NPAS3: variants seen among roughly 807,000 people sequenced by gnomAD.
The protein encoded by NPAS3 is neuronal PAS domain protein 3, also known as neuronal PAS domain-containing protein 3.
Under a neutral mutation model 73.1 loss-of-function variants are expected in NPAS3, and 14 were observed. The observed-to-expected ratio is 0.19, with a 90% CI of 0.13 to 0.30. The LOEUF is 0.30. NPAS3 is among the 10% of genes least tolerant of loss of function. NPAS3 has a pLI of 1.00. For missense variants in NPAS3, 1,096 were observed against 1,250.0 expected, an observed-to-expected ratio of 0.88 and a Z score of 1.86; for synonymous variants, 620 against 541.5, an observed-to-expected ratio of 1.14 and a Z score of -2.01.
At chr14:33,561,705 T>G (rs2055659630) in intron 5 of NPAS3, among the ~76,000 whole-genome samples, 1 of 152,188 alleles carries the variant, frequency 6.6e-6, no homozygotes, top group Non-Finnish European at 1.5e-5. Flanking sequence ...CACCACTGTT[T>G]GTTGTTCTGC....
intron 4 of NPAS3, among the ~76,000 whole-genome samples, chr14:33,513,946 G>A (rs974682973): frequency 1.3e-5 from 2 of 152,012 alleles, no homozygotes; most frequent in Non-Finnish European, 2.9e-5. Context: ...GCCCAGGCTT[G>A]CTAAAAAGCA....
intron 2 of NPAS3, among the ~76,000 whole-genome samples, chr14:33,142,289 C>T (rs572562642): frequency 1.7e-4 from 24 of 142,962 alleles, no homozygotes; most frequent in Non-Finnish European, 3.5e-4. Context: ...ACTTCCCTAT[C>T]CAAACAACAC....
upstream of NPAS3, among the ~76,000 whole-genome samples, chr14:32,935,725 GA>G (rs530326846): frequency 1.2e-4 from 19 of 152,280 alleles, no homozygotes; most frequent in South Asian, 3.9e-3. Context: ...ATTTGACATT[GA>G]AATAGTAATT....
At chr14:33,485,498 G>A (rs1002881492) in intron 4 of NPAS3, among the ~76,000 whole-genome samples, 3 of 152,106 alleles carry the variant, frequency 2.0e-5, no homozygotes, top group African/African-American at 7.2e-5. Flanking sequence ...TTTGGATCTA[G>A]ATAATCTCAG....
intron 11 of NPAS3, among the ~76,000 whole-genome samples, chr14:33,797,863 C>CATATAT (rs10582207): frequency 6.9e-6 from 1 of 144,906 alleles, no homozygotes; most frequent in Non-Finnish European, 1.5e-5. Flanking sequence ...TATATATATA[C>CATATAT]ATATATATAT....
At chr14:33,346,662 G>A (rs528954780) in intron 3 of NPAS3, among the ~76,000 whole-genome samples, 50 of 151,958 alleles carry the variant, frequency 3.3e-4, no homozygotes, top group African/African-American at 1.2e-3. Flanking sequence ...AGTTTATAAA[G>A]CCATGGGGAA....
chr14:33,683,988 A>C (rs1022893149), intron 6 of NPAS3, among the ~76,000 whole-genome samples: 4 of 152,138 alleles, frequency 2.6e-5, no homozygotes, highest in African/African-American at 9.7e-5. Flanking sequence ...CTGGAGGAAA[A>C]AGTGATGGAA....
At chr14:33,314,574 T>C (rs2043133769) in intron 3 of NPAS3, among the ~76,000 whole-genome samples, 1 of 152,020 alleles carries the variant, frequency 6.6e-6, no homozygotes, top group Non-Finnish European at 1.5e-5. Flanking sequence ...TCTGAATACA[T>C]GGGAAAAAAT....
At chr14:32,981,376 C>A (rs2037890414) in intron 1 of NPAS3, among the ~76,000 whole-genome samples, 1 of 152,104 alleles carries the variant, frequency 6.6e-6, no homozygotes, top group African/African-American at 2.4e-5. Flanking sequence ...CATCTTGAGA[C>A]TACTTTATAG....
At chr14:33,052,168 A>C (rs1388816922) in intron 1 of NPAS3, among the ~76,000 whole-genome samples, 1 of 152,200 alleles carries the variant, frequency 6.6e-6, no homozygotes, top group African/African-American at 2.4e-5. Context: ...CTGTATAAGA[A>C]AGTACCATCC....
At position 32,948,971 on chromosome 14, in the gene NPAS3, G is replaced by A. The variant is rs77958380; in HGVS notation, c.50+9605G>A. ...ATTGTGTTTCCCGTTTTAATTCTTC[G>A]CTATGGTCAGCGTATTTTACTTTTT... On this transcript the variant is annotated intron_variant, in intron 1 of 11. Coordinates refer to ENST00000356141, the Ensembl canonical transcript of NPAS3. Among the ~76,000 whole-genome samples the A allele has an allele frequency of 4.6e-4, 70 of 152,016 alleles. No individual in the cohort carries two copies. In the East Asian group the frequency reaches 7.7e-3, roughly 17 times the overall value.
chr14:33,747,152 A>G (rs9671930), intron 7 of NPAS3, among the ~76,000 whole-genome samples: 21,073 of 151,182 alleles, frequency 0.14, 3,466 homozygotes, highest in African/African-American at 0.4. Flanking sequence ...TGTTTACTGC[A>G]GCATTATTCA....
intron 5 of NPAS3, among the ~76,000 whole-genome samples, chr14:33,655,041 G>A (rs774910968): frequency 4.6e-5 from 7 of 152,194 alleles, no homozygotes; most frequent in Non-Finnish European, 8.8e-5. Flanking sequence ...CAAGGTGGAT[G>A]TAACTGCCTC....
chr14:33,080,810 T>C (rs953581632), intron 2 of NPAS3, among the ~76,000 whole-genome samples: 5 of 152,204 alleles, frequency 3.3e-5, no homozygotes. Flanking sequence ...AGGGAGCCCA[T>C]CTAGAGGTTT....
intron 3 of NPAS3, among the ~76,000 whole-genome samples, chr14:33,254,310 T>G (rs375100608): frequency 2.0e-5 from 3 of 152,114 alleles, no homozygotes; most frequent in African/African-American, 7.2e-5. Context: ...AACACACTTC[T>G]CGAAGTTCAA....
At chr14:33,134,245 A>G (rs1421732948) in intron 2 of NPAS3, among the ~76,000 whole-genome samples, 2 of 150,818 alleles carry the variant, frequency 1.3e-5, no homozygotes, top group Non-Finnish European at 3.0e-5. Context: ...ATGAGATTCT[A>G]GTCATGTTTT....
intron 2 of NPAS3, among the ~76,000 whole-genome samples, chr14:33,166,051 C>T (rs2045129304): frequency 6.6e-6 from 1 of 152,186 alleles, no homozygotes; most frequent in South Asian, 2.1e-4. Flanking sequence ...GTCTCCCCAC[C>T]ATGCCTCCCC....
intron 4 of NPAS3, among the ~76,000 whole-genome samples, chr14:33,470,378 G>T (rs1438698967): frequency 1.3e-5 from 2 of 152,162 alleles, no homozygotes; most frequent in African/African-American, 4.8e-5. Context: ...ATTTTCTTAA[G>T]CATTTAGGAC....
At chr14:33,719,200 C>T (rs763072547) in intron 6 of NPAS3, among the ~76,000 whole-genome samples, 92 of 152,268 alleles carry the variant, frequency 6.0e-4, no homozygotes, top group Admixed American at 1.4e-3. Context: ...CTCCCATGGA[C>T]ACTGCTGCTC....
Sources: allele counts gnomAD v4.1 joint callset (sites outside exome capture counted in the v4.1 genomes callset), GRCh38; gene constraint gnomAD v4.1.1; transcripts MANE v1.5; gene names NCBI Gene and HGNC (gene_info 2026-07-23, HGNC 2026-07-21).